Variants in WDR59 observed in about 807,000 individuals in gnomAD.
WDR59 encodes the protein WD repeat domain 59.
In WDR59, 100 loss-of-function variants were observed where a neutral mutation model predicts 131.2. The observed-to-expected ratio is 0.76, with a 90% CI of 0.65 to 0.90. The LOEUF (loss-of-function observed/expected upper bound fraction) is 0.90. Among genes scored for constraint, WDR59 ranks in the 40% least tolerant of loss-of-function variants. WDR59 has a pLI of 0.00. For synonymous variants in WDR59, 601 were observed against 466.2 expected, an observed-to-expected ratio of 1.29 and a Z score of -3.72; for missense variants, 1,203 against 1,262.2, an observed-to-expected ratio of 0.95 and a Z score of 0.71.
chr16:74,907,043 G>A (rs759220207), intron 17 of WDR59, among the ~76,000 whole-genome samples: 1 of 152,074 alleles, frequency 6.6e-6, no homozygotes, highest in Non-Finnish European at 1.5e-5. Context: ...CTTTCCCTTT[G>A]AGAATACAGG....
At chr16:74,967,769 G>C (rs2033831472) in intron 1 of WDR59, among the ~76,000 whole-genome samples, 2 of 150,668 alleles carry the variant, frequency 1.3e-5, no homozygotes. Flanking sequence ...TGAGGCAGGA[G>C]AATCACTTGA....
rs777987134 is a variant in WDR59, at chr16:74,956,375, G to A, written c.240+100C>T. On this transcript the variant is annotated intron_variant, in intron 3 of 25. Transcript: ENST00000262144. Reference sequence around the variant, plus strand: ...CCATCCAAACCTCTTTTCCAAATGAGCAATGAGGACTGCATTCTCTTCTCT... The same window carrying A: ...CCATCCAAACCTCTTTTCCAAATGAACAATGAGGACTGCATTCTCTTCTCT... The A allele has an allele frequency of 3.6e-4, 505 of 1,419,696 alleles. 1 individual carries two copies. Among genetic ancestry groups the A allele is most frequent in the South Asian group, 3.6e-4 (23 of 63,780 alleles). The allele number at this position is 1,419,696 out of a possible 1,614,324, so 87.9% of individuals were successfully genotyped here.
intron 1 of WDR59, among the ~76,000 whole-genome samples, chr16:74,971,848 A>G (rs1182104688): frequency 6.6e-6 from 1 of 152,144 alleles, no homozygotes; most frequent in Non-Finnish European, 1.5e-5. Flanking sequence ...AACTGGGACT[A>G]CAGATGCACA....
At chr16:74,910,019 G>C in intron 14 of WDR59, 102 bp from the exon 15 acceptor site, 1 of 1,003,600 alleles carries the variant, frequency 1.0e-6, no homozygotes, top group African/African-American at 1.7e-5. Flanking sequence ...CCAGGCTGGA[G>C]TGTAGTGGTA....
chr16:74,936,046 A>T lies in WDR59; in HGVS notation c.651+2104T>A, dbSNP rs376646422. On this transcript the variant is annotated intron_variant, in intron 8 of 25. Transcript: ENST00000262144. ...CTTCTAGGATATAGTGGAATAAATC[A>T]AATACCATGCCAAAAATCTCATTTC... Among the ~76,000 whole-genome samples, 4 of 152,242 alleles carry T rather than the reference A, an allele frequency of 2.6e-5. No individual in the cohort carries two copies. The East Asian group carries it at 7.7e-4, about 29-fold the overall frequency.
intron 15 of WDR59, 77 bp from the exon 16 acceptor site, chr16:74,909,734 C>T: frequency 6.4e-7 from 1 of 1,563,978 alleles, no homozygotes; most frequent in Non-Finnish European, 8.6e-7. Flanking sequence ...CCCAGTATGA[C>T]AAAACCAGAA....
Position 74,895,036 on chromosome 16 carries a change from T to C in WDR59, c.1867-1224A>G, listed in dbSNP as rs570783412. On this transcript the variant is annotated intron_variant, in intron 18 of 25. Coordinates refer to ENST00000262144, the MANE Select transcript of WDR59 (RefSeq NM_030581.4). Reference sequence around the variant, plus strand: ...TGATTTTTATACAATCATTCTTCCATAAAGGGTTTCTGACCACTGATATCC... The same window carrying C: ...TGATTTTTATACAATCATTCTTCCACAAAGGGTTTCTGACCACTGATATCC... 2.6e-5 allele frequency among the ~76,000 whole-genome samples: 4 copies of C among 152,344 alleles called. No individual in the cohort carries two copies. The South Asian group carries it at 6.2e-4, about 24-fold the overall frequency.
At chr16:74,982,091 A>AT (rs2145269543) in intron 1 of WDR59, among the ~76,000 whole-genome samples, 1 of 148,290 alleles carries the variant, frequency 6.7e-6, no homozygotes, top group Non-Finnish European at 1.5e-5. Flanking sequence ...TCCTATCCCT[A>AT]TTTAAAAAAA....
chr16:74,965,387 C>T (rs115824404), intron 2 of WDR59, among the ~76,000 whole-genome samples: 159 of 152,262 alleles, frequency 1.0e-3, no homozygotes, highest in African/African-American at 3.8e-3. Context: ...AATAAATGTC[C>T]AGGGGCTCAC....
chr16:74,886,290 G>A lies in WDR59; in HGVS notation c.2526C>T (p.Asp842=). 5 of 1,612,168 alleles carry A rather than the reference G, an allele frequency of 3.1e-6. No individual in the cohort carries two copies. The highest frequency in any genetic ancestry group is 4.2e-6 in the Non-Finnish European group (5 of 1,178,896). ...GTTACCTTTTATTTTTATCATGCTG[G>A]TCGCGTTCTCGCTCACGGGGATCAC... The part of the protein sequence containing the change: ...TYSDPRERER[D]QHDKNKRLLD... Residue 842 remains aspartate, a synonymous_variant, in exon 24 of 26, where the codon GAC becomes GAT. Transcript: ENST00000262144.
intron 8 of WDR59, 57 bp from the exon 9 acceptor site, chr16:74,924,060 G>T (rs1049772969): frequency 6.5e-7 from 1 of 1,539,120 alleles, no homozygotes; most frequent in South Asian, 1.2e-5. Flanking sequence ...AAATTCTACT[G>T]AAATAAGCAC....
chr16:74,956,594 T>C lies in WDR59; in HGVS notation c.121A>G (p.Ile41Val), dbSNP rs1421492554. 1 of 1,613,846 alleles carries C rather than the reference T, an allele frequency of 6.2e-7. No individual in the cohort carries two copies. Among genetic ancestry groups the C allele is most frequent in the Non-Finnish European group, 8.5e-7 (1 of 1,179,988 alleles). ...AVLSGRRFLY[I>V]VNLDAPFEGH... is the part of the protein sequence containing the mutation. The stretch of plus-strand genomic sequence containing the variant: ...TCGAAAGGGGCATCTAGATTGACGA[T>C]GTATAAGAATCTGCGGCTAGAGACC... The change falls in exon 3 of 26, where the codon ATC becomes GTC. Residue 41 changes from isoleucine (I) to valine (V), a missense_variant. Coordinates refer to ENST00000262144, the MANE Select transcript of WDR59 (RefSeq NM_030581.4).
chr16:74,876,406 T>C (rs180762520), intron 25 of WDR59, among the ~76,000 whole-genome samples: 2 of 152,362 alleles, frequency 1.3e-5, no homozygotes, highest in African/African-American at 4.8e-5. Context: ...ATTATGAGAA[T>C]GTAAATATTG....
intron 14 of WDR59, chr16:74,911,942 A>AT: frequency 1.8e-6 from 1 of 548,728 alleles, no homozygotes; most frequent in Non-Finnish European, 3.2e-6. Context: ...CATTGTGCAG[A>AT]TTTTTCTGAG....
At chr16:74,949,869 C>G in intron 4 of WDR59, 71 bp from the exon 5 acceptor site, 1 of 1,381,912 alleles carries the variant, frequency 7.2e-7, no homozygotes, top group East Asian at 2.3e-5. Context: ...AGCACTAGCA[C>G]ATCGAGTCTC....
intron 13 of WDR59, among the ~76,000 whole-genome samples, chr16:74,914,159 T>C (rs1027327356): frequency 6.6e-6 from 1 of 151,828 alleles, no homozygotes; most frequent in African/African-American, 2.4e-5. Context: ...CTGCAGTGAG[T>C]CACGGTAGCA....
At chr16:74,893,573 T>C in intron 19 of WDR59, 106 bp downstream of exon 19, 1 of 1,302,598 alleles carries the variant, frequency 7.7e-7, no homozygotes, top group Admixed American at 2.5e-5. Context: ...ATTGGGCTTT[T>C]CCTAAAACTG....
chr16:74,902,685 T>G (rs954021743), intron 18 of WDR59, among the ~76,000 whole-genome samples: 3 of 152,174 alleles, frequency 2.0e-5, no homozygotes, highest in Non-Finnish European at 4.4e-5. Context: ...AAACCCCACA[T>G]GTACCCAACC....
intron 1 of WDR59, among the ~76,000 whole-genome samples, chr16:74,981,325 G>C (rs1364782392): frequency 6.6e-6 from 1 of 150,582 alleles, no homozygotes; most frequent in Non-Finnish European, 1.5e-5. Flanking sequence ...GCAGTGAGCA[G>C]AGATCATGCC....
Sources: gnomAD v4.1 joint callset for allele counts (sites outside exome capture counted in the v4.1 genomes callset) on GRCh38, gnomAD v4.1.1 for gene constraint, MANE v1.5 for transcripts, NCBI Gene and HGNC (gene_info 2026-07-23, HGNC 2026-07-21) for gene names.